Variants in SLC12A3 observed in about 807,000 individuals in gnomAD.
SLC12A3 encodes Na-Cl cotransporter.
Under a neutral mutation model 121.0 loss-of-function variants are expected in SLC12A3, and 104 were observed. The observed-to-expected ratio is 0.86, with a 90% CI of 0.73 to 1.01. The LOEUF is 1.01. Ranked by LOEUF, SLC12A3 falls within the 50% of genes least tolerant of loss-of-function variation. SLC12A3 has a pLI of 0.00. For missense variants in SLC12A3, 1,328 were observed against 1,356.3 expected (o/e 0.98, Z 0.33); for synonymous variants, 536 against 533.4 (o/e 1.00, Z -0.07).
In SLC12A3 at chr16:56,915,328, T is replaced by C. The variant is rs941163601; in HGVS notation, c.*1923T>C. 6.6e-6 allele frequency: 1 copy of C among 152,234 alleles called. No homozygotes were observed. The highest frequency in any genetic ancestry group is 1.5e-5 in the Non-Finnish European group (1 of 68,034). The allele number at this position is 152,234 out of a possible 1,614,324, so 9.4% of individuals were successfully genotyped here. A position where few individuals can be genotyped will look rare whatever the true frequency, so the allele number is the denominator to read the frequency against. ...AAGGAGACTAAAGACTTCTAGAATT[T>C]AGAAGGAGATCTGAAGTCTCCTTTC... is the stretch of plus-strand genomic sequence containing the variant. On this transcript the variant is annotated 3_prime_UTR_variant, in exon 26 of 26. Coordinates refer to ENST00000563236, the MANE Select transcript of SLC12A3 (RefSeq NM_001126108.2).
intron 13 of SLC12A3, 47 bp downstream of exon 13, chr16:56,882,544 G>A (rs1376449818): frequency 2.2e-5 from 32 of 1,430,388 alleles, no homozygotes; most frequent in Non-Finnish European, 3.0e-5. Flanking sequence ...CCAGGGGGCA[G>A]GAGGAACTGG....
chr16:56,890,653 C>T lies in SLC12A3; in HGVS notation c.2368+297C>T, dbSNP rs560860594. Among the ~76,000 whole-genome samples, 8 of 152,300 alleles carry T rather than the reference C, an allele frequency of 5.3e-5. 1 individual carries two copies. Among genetic ancestry groups the T allele is most frequent in the Non-Finnish European group, 1.2e-4 (8 of 68,030 alleles). On this transcript the variant is annotated intron_variant, in intron 19 of 25. Transcript: ENST00000563236. ...GTGGCTCACGCCTGTAATCCCAGCGCTTTGGGAGGCCAAGGCAGGTGGATC... is the reference window on the plus strand; with the variant it reads ...GTGGCTCACGCCTGTAATCCCAGCGTTTTGGGAGGCCAAGGCAGGTGGATC...
intron 18 of SLC12A3, among the ~76,000 whole-genome samples, chr16:56,888,493 A>C (rs1333261662): frequency 6.6e-6 from 1 of 150,988 alleles, no homozygotes; most frequent in Non-Finnish European, 1.5e-5. Flanking sequence ...GTGTCCATGC[A>C]GAATGGGCTC....
intron 25 of SLC12A3, among the ~76,000 whole-genome samples, chr16:56,908,545 A>G (rs1430800839): frequency 6.6e-6 from 1 of 152,208 alleles, no homozygotes; most frequent in African/African-American, 2.4e-5. Context: ...GAAAAAAAGA[A>G]GAATGTCAAG....
At chr16:56,887,875 C>A in intron 17 of SLC12A3, 50 bp from the exon 18 acceptor site, 2 of 1,382,010 alleles carry the variant, frequency 1.4e-6, no homozygotes, top group Non-Finnish European at 2.0e-6. Context: ...GGTGGATCAC[C>A]AACTCTGCCC....
Position 56,887,038 on chromosome 16 carries a change from T to A in SLC12A3, c.2123T>A (p.Phe708Tyr), listed in dbSNP as rs1382377055. The change falls in exon 17 of 26, where the codon TTC becomes TAC. Residue 708 changes from phenylalanine (F) to tyrosine (Y), a missense_variant. By Grantham distance (22) the Phe-to-Tyr change is conservative. Coordinates refer to ENST00000563236, the MANE Select transcript of SLC12A3 (RefSeq NM_001126108.2). The part of the protein sequence containing the change: ...KWLNKRKIKA[F>Y]YSDVIAEDLR... ...CTGAACAAGAGGAAGATCAAGGCCT[T>A]CTACTCGGATGTCATTGCCGAGGAC... The A allele has an allele frequency of 1.2e-6, 2 of 1,613,968 alleles. No individual in the cohort carries two copies. The highest frequency in any genetic ancestry group is 2.2e-5 in the South Asian group (2 of 91,082).
At chr16:56,865,561 C>T in intron 1 of SLC12A3, 44 bp downstream of exon 1, 1 of 1,594,796 alleles carries the variant, frequency 6.3e-7, no homozygotes, top group Non-Finnish European at 8.5e-7. Flanking sequence ...TGCTGTGTGA[C>T]CTCGACCCAG....
Position 56,870,730 on chromosome 16 carries a change from G to T in SLC12A3, c.846G>T (p.Glu282Asp). 6.2e-7 allele frequency: 1 copy of T among 1,608,388 alleles called. No individual in the cohort carries two copies. The highest frequency in any genetic ancestry group is 8.5e-7 in the Non-Finnish European group (1 of 1,174,738). ...LAISLAGMEW[E>D]SKAQVLFFLV... ...TCTCCCTGGCTGGCATGGAGTGGGA[G>T]TCCAAGGTGAGGAGGCCATGGAGGA... The change falls in exon 6 of 26, where the codon GAG (glutamate) becomes GAT (aspartate). Residue 282 changes from glutamate to aspartate, a missense_variant. Glu to Asp is a conservative substitution (Grantham distance 45). Transcript: ENST00000563236.
At chr16:56,888,065 GT>G in intron 18 of SLC12A3, 34 bp downstream of exon 18, 1 of 1,511,982 alleles carries the variant, frequency 6.6e-7, no homozygotes, top group Non-Finnish European at 9.2e-7. Context: ...CTTGGGGTCT[GT>G]TAATTTGGGC....
At chr16:56,907,703 A>T (rs1235619673) in intron 25 of SLC12A3, among the ~76,000 whole-genome samples, 2 of 152,180 alleles carry the variant, frequency 1.3e-5, no homozygotes, top group Non-Finnish European at 2.9e-5. Context: ...GGAGGGAGCC[A>T]GGGAGCTCTC....
At chr16:56,887,463 C>T (rs1349252938) in intron 17 of SLC12A3, among the ~76,000 whole-genome samples, 3 of 151,774 alleles carry the variant, frequency 2.0e-5, no homozygotes, top group Non-Finnish European at 4.4e-5. Flanking sequence ...TATCTCAGCC[C>T]CCCAGAGTGC....
At position 56,904,347 on chromosome 16, in the gene SLC12A3, G is replaced by A; in HGVS notation, c.2857-48G>A. The A allele has an allele frequency of 1.9e-6, 3 of 1,558,292 alleles. No individual in the cohort carries two copies. In the East Asian group the frequency reaches 6.7e-5, roughly 35 times the overall value. On this transcript the variant is annotated intron_variant, in intron 24 of 25. Coordinates refer to ENST00000563236, the MANE Select transcript of SLC12A3 (RefSeq NM_001126108.2). ...GGCCATAGACGTGGTGAAGGATTGA[G>A]TGACCTCGATGATATGGGAAGTGAC...
At position 56,878,099 on chromosome 16, in the gene SLC12A3, A is replaced by T. The variant is rs772602252; in HGVS notation, c.1118A>T (p.Lys373Met). ...DLKDPAIAIPKGTLMAIFWTT... is the reference protein window; with the variant it reads ...DLKDPAIAIPMGTLMAIFWTT... Reference sequence around the variant, plus strand: ...CAGGACCCTGCTATAGCCATCCCCAAGGGGACCCTCATGGCCATTTTCTGG... The same window carrying T: ...CAGGACCCTGCTATAGCCATCCCCATGGGGACCCTCATGGCCATTTTCTGG... Residue 373 changes from lysine (K) to methionine (M), a missense_variant, in exon 9 of 26, where the codon AAG (lysine) becomes ATG (methionine). By Grantham distance (95) the Lys-to-Met change is moderately conservative (BLOSUM62 -1). Coordinates refer to ENST00000563236, the MANE Select transcript of SLC12A3 (RefSeq NM_001126108.2). 6.8e-7 allele frequency: 1 copy of T among 1,476,142 alleles called. No homozygotes were observed. Among genetic ancestry groups the T allele is most frequent in the East Asian group, 2.8e-5 (1 of 35,150 alleles). 91.4% of individuals were successfully genotyped at this position (1,476,142 alleles called of 1,614,324 possible). A position where few individuals can be genotyped will look rare whatever the true frequency, so the allele number is the denominator to read the frequency against.
At chr16:56,896,759 A>G (rs560858768) in intron 22 of SLC12A3, among the ~76,000 whole-genome samples, 1 of 152,308 alleles carries the variant, frequency 6.6e-6, no homozygotes, top group East Asian at 1.9e-4. Flanking sequence ...TTTTTAAATA[A>G]TAATATTTTA....
In SLC12A3 at chr16:56,870,242, C is replaced by A; in HGVS notation, c.741+7C>A. On this transcript the variant is annotated splice_region_variant and intron_variant, in intron 5 of 25. Transcript: ENST00000563236. ...CGTGCGGGACCTGCTCCAGGTGAGG[C>A]CGGGGGGCTGGACCCTGGGTAGAGG... The A allele has an allele frequency of 6.2e-7, 1 of 1,612,132 alleles. No homozygotes were observed. Among genetic ancestry groups the A allele is most frequent in the South Asian group, 1.1e-5 (1 of 91,056 alleles).
intron 2 of SLC12A3, among the ~76,000 whole-genome samples, chr16:56,867,613 G>T (rs1487548496): frequency 6.6e-6 from 1 of 152,224 alleles, no homozygotes; most frequent in Non-Finnish European, 1.5e-5. Flanking sequence ...CTTTAGCCCT[G>T]CTCCGGGAGG....
chr16:56,886,557 G>T, intron 16 of SLC12A3, 82 bp downstream of exon 16: 1 of 1,272,788 alleles, frequency 7.9e-7, no homozygotes, highest in South Asian at 1.2e-5. Flanking sequence ...AGCCAAGACA[G>T]GTGGATCACC....
chr16:56,898,902 G>A (rs1446853680), intron 22 of SLC12A3, among the ~76,000 whole-genome samples: 3 of 152,218 alleles, frequency 2.0e-5, no homozygotes, highest in Admixed American at 1.3e-4. Context: ...TCCCCTGGGA[G>A]TGTGTTAGAA....
Position 56,915,173 on chromosome 16 carries a change from G to A in SLC12A3, c.*1768G>A, listed in dbSNP as rs1379116749. 6.6e-6 allele frequency: 1 copy of A among 152,272 alleles called. No individual in the cohort carries two copies. Among genetic ancestry groups the A allele is most frequent in the Non-Finnish European group, 1.5e-5 (1 of 68,064 alleles). The allele number at this position is 152,272 out of a possible 1,614,324, so 9.4% of individuals were successfully genotyped here. Reference sequence around the variant, plus strand: ...TCTAGACATAACCAAGAAGCGTAAAGGTGAGTTGTTTGGTGGTACGACTGC... The same window carrying A: ...TCTAGACATAACCAAGAAGCGTAAAAGTGAGTTGTTTGGTGGTACGACTGC... On this transcript the variant is annotated 3_prime_UTR_variant, in exon 26 of 26. Transcript: ENST00000563236.
Sources: gnomAD v4.1 joint callset for allele counts (sites outside exome capture counted in the v4.1 genomes callset) on GRCh38, gnomAD v4.1.1 for gene constraint, MANE v1.5 for transcripts, NCBI Gene and HGNC (gene_info 2026-07-23, HGNC 2026-07-21) for gene names.